Variants in INSL6 observed in about 807,000 individuals in gnomAD.
INSL6 encodes the protein insulin like 6.
In INSL6, 16 loss-of-function variants were observed where a neutral mutation model predicts 9.4. The observed-to-expected ratio is 1.70, with a 90% confidence interval of 1.15 to 2.59. The LOEUF (loss-of-function observed/expected upper bound fraction) is 2.59, where lower values mean the gene tolerates loss of function less well. Ranked by LOEUF, INSL6 falls within the 30% of genes most tolerant of loss-of-function variation. The pLI, the probability that INSL6 is intolerant of heterozygous loss-of-function variation, is 0.00. For synonymous variants in INSL6, 154 were observed against 96.9 expected (o/e 1.59, Z -3.46); for missense variants, 391 against 257.3 (o/e 1.52, Z -3.56).
intron 2 of INSL6, among the ~76,000 whole-genome samples, chr9:5,136,651 C>G (rs1211712313): frequency 6.6e-6 from 1 of 152,190 alleles, no homozygotes; most frequent in African/African-American, 2.4e-5. Context: ...ATGACAAACT[C>G]ACAGCAAATA....
downstream of INSL6, among the ~76,000 whole-genome samples, chr9:5,161,120 A>G (rs1824917414): frequency 6.6e-6 from 1 of 152,160 alleles, no homozygotes; most frequent in African/African-American, 2.4e-5. Flanking sequence ...AAACTAAACA[A>G]AGGCACATCA....
chr9:5,106,407 GAGA>G, the INSL6 span, among the ~76,000 whole-genome samples: 1 of 152,228 alleles, frequency 6.6e-6, no homozygotes, highest in African/African-American at 2.4e-5. Context: ...ACAGATGCTG[GAGA>G]AGATGTGGCG....
chr9:5,112,354 C>A, the INSL6 span: 1 of 356,726 alleles, frequency 2.8e-6, no homozygotes, highest in Non-Finnish European at 5.3e-6. Context: ...CCGACTCCTG[C>A]AGTGGGCTAG....
At chr9:5,086,220 C>A in the INSL6 span, 72 of 600,460 alleles carry the variant, frequency 1.2e-4, no homozygotes, top group Non-Finnish European at 1.4e-4. Context: ...CGCGAGGCCA[C>A]GGTCGGAGTC....
chr9:5,169,667 T>C (rs2130910678), intron 1 of INSL6, among the ~76,000 whole-genome samples: 1 of 152,218 alleles, frequency 6.6e-6, no homozygotes, highest in East Asian at 1.9e-4. Context: ...AAATAAAGTA[T>C]GGAGGAAAAT....
the INSL6 span, chr9:5,054,919 T>A: frequency 2.1e-6 from 3 of 1,417,140 alleles, no homozygotes; most frequent in East Asian, 7.0e-5. The surrounding 1 kb of genome is among the most constrained non-coding windows in gnomAD (Gnocchi z 4.9). Flanking sequence ...TTCTTTGTTA[T>A]TTTAAGTACA....
At chr9:5,098,607 T>C in the INSL6 span, 1 of 152,172 alleles carries the variant, frequency 6.6e-6, no homozygotes, top group Non-Finnish European at 1.5e-5. Context: ...CAGATGAAGT[T>C]AATAATCCTT....
the INSL6 span, chr9:5,091,002 A>C: frequency 1.0e-6 from 1 of 961,520 alleles, no homozygotes. Context: ...TTCTATATTT[A>C]CAGTAACAGT....
the INSL6 span, chr9:5,072,702 A>C: frequency 1.4e-5 from 15 of 1,085,806 alleles, no homozygotes; most frequent in East Asian, 5.7e-5. Context: ...CAACGTACTC[A>C]TGTGTGCAGC....
At chr9:5,031,008 T>C in the INSL6 span, among the ~76,000 whole-genome samples, 6 of 152,256 alleles carry the variant, frequency 3.9e-5, no homozygotes, top group South Asian at 1.2e-3. Context: ...CAAAAACCCT[T>C]AACTAACCAG....
At chr9:5,111,980 C>T in the INSL6 span, 1 of 354,406 alleles carries the variant, frequency 2.8e-6, no homozygotes, top group Non-Finnish European at 5.6e-6. Flanking sequence ...CCGTGGGCTC[C>T]CCCCAGGGCC....
the INSL6 span, chr9:5,065,041 G>T: frequency 6.4e-7 from 1 of 1,572,092 alleles, no homozygotes; most frequent in East Asian, 2.3e-5. Flanking sequence ...GCCCAATTTC[G>T]TGAGTAATAC....
downstream of INSL6, among the ~76,000 whole-genome samples, chr9:5,161,655 T>A (rs1403846656): frequency 1.3e-5 from 2 of 152,116 alleles, no homozygotes; most frequent in African/African-American, 2.4e-5. Flanking sequence ...CCATCCTTAT[T>A]TACAGGTGCT....
At chr9:5,010,628 C>A in the INSL6 span, among the ~76,000 whole-genome samples, 1 of 152,078 alleles carries the variant, frequency 6.6e-6, no homozygotes, top group African/African-American at 2.4e-5. Flanking sequence ...CTGTCAGTTG[C>A]CTTTTAATAC....
chr9:5,021,673 C>CTGGAGTGCGG, the INSL6 span, among the ~76,000 whole-genome samples: 2 of 152,152 alleles, frequency 1.3e-5, no homozygotes, highest in African/African-American at 2.4e-5. Context: ...GTCACCCAGA[C>CTGGAGTGCGG]TGGAGTGCGG....
chr9:5,081,780 G>A, the INSL6 span: 821,900 of 1,603,698 alleles, frequency 0.51, 217,450 homozygotes, highest in African/African-American at 0.88. Flanking sequence ...TAGGTGCCCT[G>A]GGGTTTTCTG....
chr9:5,122,059 GTAC>G (rs1286802810), downstream of INSL6, among the ~76,000 whole-genome samples: 1 of 152,164 alleles, frequency 6.6e-6, no homozygotes, highest in African/African-American at 2.4e-5. Context: ...TGGACTGCCA[GTAC>G]TATAGGAATT....
At chr9:5,010,985 G>A in the INSL6 span, among the ~76,000 whole-genome samples, 9 of 152,108 alleles carry the variant, frequency 5.9e-5, no homozygotes, top group Non-Finnish European at 8.8e-5. Flanking sequence ...CTTCTGAAGC[G>A]ATGTCAGTTC....
At chr9:5,097,798 G>A in the INSL6 span, 9 of 152,070 alleles carry the variant, frequency 5.9e-5, no homozygotes, top group Non-Finnish European at 1.2e-4. Flanking sequence ...TTTCCACTAC[G>A]TCCTATCACC....
Sources: allele counts gnomAD v4.1 joint callset (sites outside exome capture counted in the v4.1 genomes callset), GRCh38; gene constraint gnomAD v4.1.1; non-coding constraint Gnocchi (gnomAD v3.1); transcripts MANE v1.5; gene names NCBI Gene and HGNC (gene_info 2026-07-23, HGNC 2026-07-21).